Variants in SLC13A3 observed in about 807,000 individuals in gnomAD.
SLC13A3 encodes solute carrier family 13 member 3.
A neutral mutation model predicts 59.0 loss-of-function variants in SLC13A3; 40 were observed. That is an observed-to-expected ratio of 0.68 (90% CI 0.53 to 0.88). SLC13A3 has a LOEUF of 0.88. SLC13A3 is among the 40% of genes least tolerant of loss of function. The pLI, the probability that SLC13A3 is intolerant of heterozygous loss-of-function variation, is 0.00. For synonymous variants in SLC13A3, 317 were observed against 330.3 expected, an observed-to-expected ratio of 0.96 and a Z score of 0.44; for missense variants, 699 against 783.2, an observed-to-expected ratio of 0.89 and a Z score of 1.28.
In SLC13A3 at chr20:46,581,675, C is replaced by T. The variant is rs571241726; in HGVS notation, c.1219+1897G>A. 4.5e-4 allele frequency among the ~76,000 whole-genome samples: 69 copies of T among 152,172 alleles called. 2 individuals are homozygous for T. In the South Asian group the frequency reaches 0.012, roughly 27 times the overall value. On this transcript the variant is annotated intron_variant, in intron 9 of 12. Coordinates refer to ENST00000279027, the MANE Select transcript of SLC13A3 (RefSeq NM_022829.6). ...AGGAAGGAGCAGAAAGTATGAGGGG[C>T]GATGCCACAGGGAATAGAAAACATG...
intron 8 of SLC13A3, 164 bp from the exon 9 acceptor site, chr20:46,583,833 G>A (rs952161745): frequency 1.0e-6 from 1 of 985,276 alleles, no homozygotes; most frequent in African/African-American, 1.7e-5. Context: ...GCTCAGCATG[G>A]TGCAAAGCTC....
In SLC13A3 at chr20:46,582,970, A is replaced by T. The variant is rs79147174; in HGVS notation, c.1219+602T>A. 9 of 985,486 alleles carry T rather than the reference A, an allele frequency of 9.1e-6. No individual in the cohort carries two copies. In the East Asian group the frequency reaches 8.0e-4, roughly 87 times the overall value. The allele number at this position is 985,486 out of a possible 1,614,324, so 61.0% of individuals were successfully genotyped here. On this transcript the variant is annotated intron_variant, in intron 9 of 12. Coordinates refer to ENST00000279027, the MANE Select transcript of SLC13A3 (RefSeq NM_022829.6). ...AAATGGAATCTGAATGCCTTTAGGCAGTTTTTCCTCAGTCCCCAACACTTC... is the reference window on the plus strand; with the variant it reads ...AAATGGAATCTGAATGCCTTTAGGCTGTTTTTCCTCAGTCCCCAACACTTC...
Position 46,612,101 on chromosome 20 carries a change from TTCTCTCTTTCTC to T in SLC13A3, c.377+1347_377+1358del, listed in dbSNP as rs148802354. Among the ~76,000 whole-genome samples, 448 of 148,414 alleles carry T rather than the reference TTCTCTCTTTCTC, an allele frequency of 3.0e-3. 7 individuals are homozygous for T. The highest frequency in any genetic ancestry group is 0.011 in the African/African-American group (411 of 38,748). ...TCTTTCTGTCTTTTCTTTTCTTTCT[TTCTCTCTTTCTC>T]TCTCTCTTTGCTTTTTTTTTTTTTT... is the stretch of plus-strand genomic sequence containing the variant. On this transcript the variant is annotated intron_variant, in intron 2 of 12. Coordinates refer to ENST00000279027, the MANE Select transcript of SLC13A3 (RefSeq NM_022829.6).
intron 1 of SLC13A3, among the ~76,000 whole-genome samples, chr20:46,678,046 C>G (rs1247422330): frequency 6.6e-6 from 1 of 152,190 alleles, no homozygotes; most frequent in African/African-American, 2.4e-5. Context: ...AGAAAACTGC[C>G]TACAGTTACA....
rs758435516 is a variant in SLC13A3 at position 46,559,999 on chromosome 20, T to C, written c.*23A>G. The C allele has an allele frequency of 5.5e-5, 88 of 1,611,112 alleles. No individual in the cohort carries two copies. The South Asian group carries it at 9.0e-4, about 17-fold the overall frequency. On this transcript the variant is annotated 3_prime_UTR_variant, in exon 13 of 13. Coordinates refer to ENST00000279027, the MANE Select transcript of SLC13A3 (RefSeq NM_022829.6). ...GACAGCCCTTTGAGAGGGTTCAGCC[T>C]CAAGGGAGTCCTCCAGGGGGACTCA...
Position 46,596,217 on chromosome 20 carries a change from C to A in SLC13A3, c.734G>T (p.Gly245Val). 1 of 1,614,122 alleles carries A rather than the reference C, an allele frequency of 6.2e-7. No individual in the cohort carries two copies. Among genetic ancestry groups the A allele is most frequent in the East Asian group, 2.2e-5 (1 of 44,864 alleles). Residue 245 changes from glycine to valine, a missense_variant, in exon 5 of 13, where the codon GGG becomes GTG. Physicochemically the swap from Gly to Val is moderately radical, Grantham distance 109. Transcript: ENST00000279027. ...LISIPYSASIGGTATLTGTAP... is the reference protein window; with the variant it reads ...LISIPYSASIVGTATLTGTAP... Reference sequence around the variant, plus strand: ...TGTGCCCGTGAGTGTGGCTGTGCCCCCAATACTGGCTGAGTAGGGGATGGA... The same window carrying A: ...TGTGCCCGTGAGTGTGGCTGTGCCCACAATACTGGCTGAGTAGGGGATGGA...
In SLC13A3 at chr20:46,563,540, C is replaced by G. The variant is rs1568907154; in HGVS notation, c.1506G>C (p.Leu502=). Residue 502 remains leucine (L), a synonymous_variant, in exon 12 of 13, where the codon CTG becomes CTC. Transcript: ENST00000279027. ...TCATCAGATACAGGGGGTGCACTCTCAGGCGGATGGCCTGGGCCAGGAAAA... is the reference window on the plus strand; with the variant it reads ...TCATCAGATACAGGGGGTGCACTCTGAGGCGGATGGCCTGGGCCAGGAAAA... The part of the protein sequence containing the change: ...LPVLAELAIR[L]RVHPLYLMIP... The G allele has an allele frequency of 6.2e-7, 1 of 1,613,706 alleles. No individual in the cohort carries two copies. The highest frequency in any genetic ancestry group is 8.5e-7 in the Non-Finnish European group (1 of 1,179,902).
At chr20:46,597,597 C>A (rs1447309018) in intron 4 of SLC13A3, among the ~76,000 whole-genome samples, 1 of 152,100 alleles carries the variant, frequency 6.6e-6, no homozygotes, top group Non-Finnish European at 1.5e-5. Flanking sequence ...CCACCATGCC[C>A]AGCTAATTTT....
chr20:46,629,054 G>A lies in SLC13A3; in HGVS notation c.112-15329C>T, dbSNP rs138333137. Reference sequence around the variant, plus strand: ...AATGTCTGTGAAAGCATTTTGAAGTGTGTGATTGACATTTCTATCTTAGGG... The same window carrying A: ...AATGTCTGTGAAAGCATTTTGAAGTATGTGATTGACATTTCTATCTTAGGG... On this transcript the variant is annotated intron_variant, in intron 1 of 12. Coordinates refer to ENST00000279027, the MANE Select transcript of SLC13A3 (RefSeq NM_022829.6). 8.7e-4 allele frequency among the ~76,000 whole-genome samples: 132 copies of A among 152,320 alleles called. 1 individual carries two copies. The East Asian group carries it at 0.02, about 23-fold the overall frequency.
intron 9 of SLC13A3, chr20:46,582,575 C>G (rs2146111744): frequency 1.1e-6 from 1 of 943,430 alleles, no homozygotes; most frequent in African/African-American, 1.8e-5. Context: ...TGCACCCCAG[C>G]CTGGGTGACA....
upstream of SLC13A3, among the ~76,000 whole-genome samples, chr20:46,672,159 A>G (rs1053205569): frequency 3.3e-5 from 5 of 152,212 alleles, no homozygotes; most frequent in Admixed American, 3.3e-4. Context: ...GGCAGAGGCC[A>G]TGCCTGCTCA....
Position 46,559,933 on chromosome 20 carries a change from T to G in SLC13A3, c.*89A>C. ...CTGCATATTGGATTACAGAAAAGAA[T>G]TATTTGATTGTTTTGTAGTGTCCTA... On this transcript the variant is annotated 3_prime_UTR_variant, in exon 13 of 13. Coordinates refer to ENST00000279027, the MANE Select transcript of SLC13A3 (RefSeq NM_022829.6). The G allele has an allele frequency of 1.5e-6, 2 of 1,325,782 alleles. No individual in the cohort carries two copies. The highest frequency in any genetic ancestry group is 2.1e-6 in the Non-Finnish European group (2 of 946,442). The allele number at this position is 1,325,782 out of a possible 1,614,324, so 82.1% of individuals were successfully genotyped here.
At chr20:46,647,284 CCA>C (rs1266446325) in intron 1 of SLC13A3, among the ~76,000 whole-genome samples, 2 of 152,122 alleles carry the variant, frequency 1.3e-5, no homozygotes, top group Non-Finnish European at 2.9e-5. Context: ...CTGTGAGTCC[CCA>C]GTGTTAAGAA....
chr20:46,613,759 G>A (rs778016078), intron 1 of SLC13A3, 34 bp from the exon 2 acceptor site: 47 of 1,553,496 alleles, frequency 3.0e-5, no homozygotes, highest in East Asian at 1.2e-4. Flanking sequence ...GAGGGTCAGC[G>A]GGGCTCGGGG....
intron 1 of SLC13A3, among the ~76,000 whole-genome samples, chr20:46,658,140 G>A (rs192180520): frequency 1.3e-5 from 2 of 152,076 alleles, no homozygotes; most frequent in Middle Eastern, 3.4e-3. Flanking sequence ...CGGGAGGGTG[G>A]TGTCCTTGTT....
chr20:46,625,225 C>G (rs1314436814), intron 1 of SLC13A3, among the ~76,000 whole-genome samples: 1 of 152,192 alleles, frequency 6.6e-6, no homozygotes, highest in Non-Finnish European at 1.5e-5. Flanking sequence ...GCCTGTAGAG[C>G]CCTCAGGAAG....
chr20:46,648,942 TAC>T (rs113495144), intron 1 of SLC13A3, among the ~76,000 whole-genome samples: 7,487 of 114,044 alleles, frequency 0.066, 509 homozygotes, highest in African/African-American at 0.23. Flanking sequence ...CACACACACA[TAC>T]ACACACACAC....
intron 1 of SLC13A3, 106 bp downstream of exon 1, chr20:46,651,205 G>A (rs1358544381): frequency 4.4e-6 from 6 of 1,366,110 alleles, no homozygotes; most frequent in Non-Finnish European, 5.6e-6. Flanking sequence ...GGGGTCTGGT[G>A]GAGCCTGTCT....
intron 9 of SLC13A3, among the ~76,000 whole-genome samples, chr20:46,580,948 A>T (rs1260893238): frequency 2.0e-5 from 3 of 152,234 alleles, no homozygotes; most frequent in Non-Finnish European, 2.9e-5. Flanking sequence ...AAATTTCTGC[A>T]TAAACTACCC....
Sources: gnomAD v4.1 joint callset for allele counts (sites outside exome capture counted in the v4.1 genomes callset) on GRCh38, gnomAD v4.1.1 for gene constraint, MANE v1.5 for transcripts, NCBI Gene and HGNC (gene_info 2026-07-23, HGNC 2026-07-21) for gene names.